The following BACH2 variants were observed in gnomAD, a reference collection of about 807,000 sequenced individuals.
BACH2 encodes transcription regulator protein BACH2.
BACH2 carries 5 observed loss-of-function variants against 61.8 expected under a neutral mutation model. The ratio of observed to expected loss-of-function variants is 0.08; its 90% confidence interval spans 0.04 to 0.17. BACH2 has a LOEUF of 0.17. BACH2 is among the 10% of genes least tolerant of loss of function. The pLI is 1.00. For missense variants in BACH2, 824 were observed against 1,091.1 expected (o/e 0.76, Z 3.45); for synonymous variants, 446 against 440.1 (o/e 1.01, Z -0.17).
intron 6 of BACH2, among the ~76,000 whole-genome samples, chr6:89,952,637 C>T (rs564389931): frequency 5.3e-5 from 8 of 152,296 alleles, no homozygotes; most frequent in African/African-American, 1.9e-4. Flanking sequence ...CTATTCCTTC[C>T]CTAATTATTA....
At chr6:90,237,964 A>G (rs1273490388) in intron 3 of BACH2, among the ~76,000 whole-genome samples, 2 of 152,270 alleles carry the variant, frequency 1.3e-5, no homozygotes, top group Non-Finnish European at 2.9e-5. Context: ...TCTAGAAATC[A>G]ATGTGTGTGC....
intron 5 of BACH2, among the ~76,000 whole-genome samples, chr6:90,054,238 G>C (rs955550682): frequency 6.6e-6 from 1 of 152,160 alleles, no homozygotes; most frequent in African/African-American, 2.4e-5. Context: ...GGTGACAGAC[G>C]GCACCTGGAA....
intron 4 of BACH2, among the ~76,000 whole-genome samples, chr6:90,177,864 T>A (rs2127839944): frequency 1.3e-5 from 2 of 152,256 alleles, no homozygotes; most frequent in South Asian, 4.1e-4. Context: ...ATCATAAACC[T>A]AGGTACTCTT....
chr6:90,181,962 C>T (rs1768181026), intron 4 of BACH2, among the ~76,000 whole-genome samples: 1 of 152,130 alleles, frequency 6.6e-6, no homozygotes, highest in African/African-American at 2.4e-5. Flanking sequence ...GATTCACAGG[C>T]AGGACTCACT....
intron 4 of BACH2, among the ~76,000 whole-genome samples, chr6:90,138,406 G>A (rs547979872): frequency 6.6e-6 from 1 of 152,318 alleles, no homozygotes; most frequent in East Asian, 1.9e-4. Flanking sequence ...GGTAGGCTGA[G>A]GCAGAAGAAT....
chr6:90,134,078 T>C (rs1784192462), intron 4 of BACH2, among the ~76,000 whole-genome samples: 1 of 152,252 alleles, frequency 6.6e-6, no homozygotes, highest in Non-Finnish European at 1.5e-5. Context: ...CTGGATCAAA[T>C]GGTATTTCTA....
intron 2 of BACH2, among the ~76,000 whole-genome samples, chr6:90,262,851 A>G (rs911571721): frequency 1.3e-5 from 2 of 152,236 alleles, no homozygotes; most frequent in Non-Finnish European, 2.9e-5. Context: ...TAGAGTTCAC[A>G]TTTCACACAG....
chr6:90,052,460 C>G lies in BACH2; in HGVS notation c.-13+36501G>C, dbSNP rs140507615. 7.1e-3 allele frequency among the ~76,000 whole-genome samples: 1,085 copies of G among 152,188 alleles called. 53 individuals are homozygous for G. The East Asian group carries it at 0.14, about 19-fold the overall frequency. On this transcript the variant is annotated intron_variant, in intron 5 of 8. Transcript: ENST00000257749. Reference sequence around the variant, plus strand: ...TTTGAGACAGGGTCTTTCTCTGTTACCCAGGCTGGAGTTCAGTGGCATGAT... The same window carrying G: ...TTTGAGACAGGGTCTTTCTCTGTTAGCCAGGCTGGAGTTCAGTGGCATGAT...
intron 5 of BACH2, among the ~76,000 whole-genome samples, chr6:90,014,170 T>C (rs1017737950): frequency 5.9e-5 from 9 of 152,062 alleles, no homozygotes; most frequent in Non-Finnish European, 1.2e-4. Flanking sequence ...CGGAGATTTG[T>C]CTGTAGTTTT....
chr6:89,955,935 T>C (rs1297518682), intron 6 of BACH2, among the ~76,000 whole-genome samples: 1 of 152,128 alleles, frequency 6.6e-6, no homozygotes, highest in Non-Finnish European at 1.5e-5. Flanking sequence ...AATGGTATTT[T>C]AAAAAGTAAT....
At chr6:89,949,550 G>A (rs1773946949) in intron 7 of BACH2, among the ~76,000 whole-genome samples, 4 of 152,188 alleles carry the variant, frequency 2.6e-5, no homozygotes, top group Admixed American at 2.6e-4. Context: ...CACACATGGA[G>A]CCTCTGGACA....
chr6:90,294,090 T>C (rs1248526741), intron 1 of BACH2, among the ~76,000 whole-genome samples: 1 of 152,096 alleles, frequency 6.6e-6, no homozygotes, highest in Non-Finnish European at 1.5e-5. Flanking sequence ...ACCAAAAAAG[T>C]AACTAACAGG....
chr6:90,290,645 T>C (rs779895822), intron 1 of BACH2, among the ~76,000 whole-genome samples: 7 of 152,242 alleles, frequency 4.6e-5, no homozygotes, highest in Non-Finnish European at 8.8e-5. Context: ...ATTCACTTTG[T>C]TTCCTACTTG....
intron 1 of BACH2, among the ~76,000 whole-genome samples, chr6:90,273,048 A>G (rs1006190690): frequency 1.3e-5 from 2 of 152,178 alleles, no homozygotes; most frequent in African/African-American, 4.8e-5. Context: ...CTTAACTGCT[A>G]TGTGCCTCAG....
intron 4 of BACH2, among the ~76,000 whole-genome samples, chr6:90,166,125 C>G (rs1455035888): frequency 6.6e-6 from 1 of 152,082 alleles, no homozygotes; most frequent in Non-Finnish European, 1.5e-5. Flanking sequence ...AACAGGCAAC[C>G]TACAAAATGG....
intron 6 of BACH2, among the ~76,000 whole-genome samples, chr6:89,989,754 TG>T (rs1776441781): frequency 6.6e-6 from 1 of 152,142 alleles, no homozygotes; most frequent in Non-Finnish European, 1.5e-5. Flanking sequence ...AGCATCTTCC[TG>T]GGGGAGGAGG....
In BACH2 at chr6:89,950,130, G is replaced by A. The variant is rs745336827; in HGVS notation, c.1836+140C>T. The A allele has an allele frequency of 4.1e-6, 4 of 972,384 alleles. No individual in the cohort carries two copies. The highest frequency in any genetic ancestry group is 1.6e-6 in the Non-Finnish European group (1 of 619,418). The allele number at this position is 972,384 out of a possible 1,614,324, so 60.2% of individuals were successfully genotyped here. A position where few individuals can be genotyped will look rare whatever the true frequency, so the allele number is the denominator to read the frequency against. ...ATCACCTTCAGCATCCTGCCTCTGT[G>A]GATGGGGAAGGCAGTCTCTCTACTG... On this transcript the variant is annotated intron_variant, in intron 7 of 8. Coordinates refer to ENST00000257749, the MANE Select transcript of BACH2 (RefSeq NM_021813.4). This position sits in a 1 kb window ranked among gnomAD's most constrained non-coding sequence, Gnocchi z 5.3.
chr6:89,934,279 G>A (rs950020410), intron 8 of BACH2, among the ~76,000 whole-genome samples: 1 of 152,198 alleles, frequency 6.6e-6, no homozygotes, highest in Non-Finnish European at 1.5e-5. Context: ...TCCTACACAT[G>A]CTCCTGTGTT....
intron 6 of BACH2, among the ~76,000 whole-genome samples, chr6:89,997,419 A>G (rs1776909783): frequency 6.6e-6 from 1 of 152,246 alleles, no homozygotes; most frequent in African/African-American, 2.4e-5. Context: ...TGGGTGTTCC[A>G]CATTTTTAAT....
Sources: allele counts gnomAD v4.1 joint callset (sites outside exome capture counted in the v4.1 genomes callset), GRCh38; gene constraint gnomAD v4.1.1; non-coding constraint Gnocchi (gnomAD v3.1); transcripts MANE v1.5; gene names NCBI Gene and HGNC (gene_info 2026-07-23, HGNC 2026-07-21).